The following TCP1 variants were observed in gnomAD, a reference collection of about 807,000 sequenced individuals.
TCP1 encodes t-complex 1.
TCP1 carries 6 observed loss-of-function variants against 54.7 expected under a neutral mutation model. The observed-to-expected ratio is 0.11, with a 90% CI of 0.06 to 0.22. The LOEUF (loss-of-function observed/expected upper bound fraction) is 0.22. TCP1 is among the 10% of genes least tolerant of loss of function. TCP1 has a pLI of 1.00. For missense variants in TCP1, 511 were observed against 678.2 expected, an observed-to-expected ratio of 0.75 and a Z score of 2.74; for synonymous variants, 225 against 229.7, an observed-to-expected ratio of 0.98 and a Z score of 0.19.
chr6:159,788,880 G>A (rs1165449991), intron 1 of TCP1: 1 of 153,844 alleles, frequency 6.5e-6, no homozygotes, highest in Non-Finnish European at 1.4e-5. Context: ...GCGTTTCCTG[G>A]GCTAACTCTA....
chr6:159,783,447 A>G (rs1462637563), intron 7 of TCP1, among the ~76,000 whole-genome samples: 1 of 144,116 alleles, frequency 6.9e-6, no homozygotes, highest in African/African-American at 2.6e-5. Flanking sequence ...TGGTACAATC[A>G]CAGCTCACTG....
At chr6:159,789,371 C>A (rs376527686) in intron 1 of TCP1, 34 bp downstream of exon 1, 29 of 1,612,408 alleles carry the variant, frequency 1.8e-5, no homozygotes, top group Non-Finnish European at 2.4e-5. Flanking sequence ...CCCTCCCCGG[C>A]CGCAAACCCG....
In TCP1 at chr6:159,787,928, T is replaced by C. The variant is rs775968815; in HGVS notation, c.151-57A>G. 1.9e-6 allele frequency: 3 copies of C among 1,609,214 alleles called. No individual in the cohort carries two copies. In the East Asian group the frequency reaches 6.7e-5, roughly 36 times the overall value. ...CTTATAGAAATCAACACAGCCCCAT[T>C]ATAATACACGTTCACCTTTAATATC... is the stretch of plus-strand genomic sequence containing the variant. On this transcript the variant is annotated intron_variant, in intron 2 of 11. Coordinates refer to ENST00000321394, the MANE Select transcript of TCP1 (RefSeq NM_030752.3).
At chr6:159,781,774 AAAAC>A (rs369650799) in intron 7 of TCP1, among the ~76,000 whole-genome samples, 59 of 152,324 alleles carry the variant, frequency 3.9e-4, no homozygotes, top group South Asian at 1.5e-3. Context: ...CTCCGTCTCA[AAAAC>A]AAACAAACAA....
Position 159,789,440 on chromosome 6 carries a change from T to A in TCP1, c.29A>T (p.Asp10Val). The A allele has an allele frequency of 6.2e-7, 1 of 1,613,216 alleles. No individual in the cohort carries two copies. Among genetic ancestry groups the A allele is most frequent in the Non-Finnish European group, 8.5e-7 (1 of 1,179,722 alleles). Residue 10 changes from aspartate (D) to valine (V), a missense_variant, in exon 1 of 12, where the codon GAC becomes GTC. By Grantham distance (152) the Asp-to-Val change is radical. Around this residue, in one of 5 missense-constraint regions of TCP1, gnomAD observed 35 missense variants for 32.7 expected, o/e 1.07. Transcript: ENST00000321394. MEGPLSVFG[D>V]RSTGETIRSQ... ...GCGGATCGTTTCCCCAGTGCTGCGG[T>A]CACCGAACACGGACAAAGGCCCCTC... is the stretch of plus-strand genomic sequence containing the variant.
chr6:159,787,699 G>T, intron 3 of TCP1, 44 bp downstream of exon 3: 2 of 1,586,856 alleles, frequency 1.3e-6, no homozygotes, highest in African/African-American at 2.7e-5. Context: ...TCTGAAAGTC[G>T]GTCGTTTTTA....
At chr6:159,785,014 T>C in intron 5 of TCP1, 167 bp from the exon 6 acceptor site, 2 of 704,778 alleles carry the variant, frequency 2.8e-6, no homozygotes, top group Non-Finnish European at 4.9e-6. Flanking sequence ...CTGCAATTCA[T>C]ATCACTTTTA....
At chr6:159,779,489 A>C in intron 11 of TCP1, 138 bp downstream of exon 11, 1 of 1,247,044 alleles carries the variant, frequency 8.0e-7, no homozygotes, top group Non-Finnish European at 1.1e-6. Context: ...ACTGAACAAC[A>C]AATGCTTGCT....
At chr6:159,783,803 G>C (rs1406833464) in intron 7 of TCP1, 138 bp downstream of exon 7, 1 of 1,139,472 alleles carries the variant, frequency 8.8e-7, no homozygotes, top group East Asian at 2.5e-5. Context: ...TTTTCATATA[G>C]GTTGTATAAC....
At chr6:159,789,077 AG>A in intron 1 of TCP1, 1 of 364,086 alleles carries the variant, frequency 2.7e-6, no homozygotes. Flanking sequence ...CTGAAACAAA[AG>A]GGGGTGCGAG....
chr6:159,779,814 G>A (rs1369023453), intron 10 of TCP1, 24 bp from the exon 11 acceptor site: 1 of 1,585,104 alleles, frequency 6.3e-7, no homozygotes, highest in South Asian at 1.2e-5. Flanking sequence ...AAAATTAGGT[G>A]ACTTCACAAA....
At chr6:159,785,031 C>T (rs920115584) in intron 5 of TCP1, 184 bp from the exon 6 acceptor site, 2 of 662,186 alleles carry the variant, frequency 3.0e-6, no homozygotes, top group Non-Finnish European at 5.2e-6. Context: ...TTTAGACATG[C>T]TTTTTATTAC....
Position 159,785,100 on chromosome 6 carries a change from C to T in TCP1, c.489-253G>A, listed in dbSNP as rs548024639. On this transcript the variant is annotated intron_variant, in intron 5 of 11. Coordinates refer to ENST00000321394, the MANE Select transcript of TCP1 (RefSeq NM_030752.3). Reference sequence around the variant, plus strand: ...GTAATTTCAATACAGCATTACTCCTCTCTATTGATATCAATTTGCATAAAA... The same window carrying T: ...GTAATTTCAATACAGCATTACTCCTTTCTATTGATATCAATTTGCATAAAA... 1,317 of 374,304 alleles carry T rather than the reference C, an allele frequency of 3.5e-3. 13 individuals carry two copies. In the African/African-American group the frequency reaches 0.039, roughly 11 times the overall value. 23.2% of individuals were successfully genotyped at this position (374,304 alleles called of 1,614,324 possible).
At chr6:159,780,155 A>G (rs1228752585) in intron 9 of TCP1, 68 bp from the exon 10 acceptor site, 102 of 1,544,924 alleles carry the variant, frequency 6.6e-5, no homozygotes, top group Non-Finnish European at 8.3e-5. Context: ...AAGACCATCA[A>G]TTTCTCAAAA....
rs781082405 is a variant in TCP1 at position 159,780,226 on chromosome 6, A to G, written c.1098-139T>C. 5 of 1,212,524 alleles carry G rather than the reference A, an allele frequency of 4.1e-6. No individual in the cohort carries two copies. In the Admixed American group the frequency reaches 8.5e-5, roughly 21 times the overall value. The allele number at this position is 1,212,524 out of a possible 1,614,324, so 75.1% of individuals were successfully genotyped here. A position where few individuals can be genotyped will look rare whatever the true frequency, so the allele number is the denominator to read the frequency against. On this transcript the variant is annotated intron_variant, in intron 9 of 11. Coordinates refer to ENST00000321394, the MANE Select transcript of TCP1 (RefSeq NM_030752.3). Reference sequence around the variant, plus strand: ...TTCCCTTAAGTCCTGCCTACACAGGATATTTAGATATACTATACAGAAACA... The same window carrying G: ...TTCCCTTAAGTCCTGCCTACACAGGGTATTTAGATATACTATACAGAAACA...
chr6:159,781,607 C>T (rs1780577857), intron 7 of TCP1, among the ~76,000 whole-genome samples: 1 of 152,078 alleles, frequency 6.6e-6, no homozygotes, highest in Admixed American at 6.5e-5. Flanking sequence ...ACCGCCTCTA[C>T]TAAAAATACA....
chr6:159,788,000 A>G, intron 2 of TCP1, 58 bp downstream of exon 2: 1 of 1,609,468 alleles, frequency 6.2e-7, no homozygotes, highest in Non-Finnish European at 8.5e-7. Flanking sequence ...AGAACATAGC[A>G]AAACACTGAA....
rs779397332 is a variant in TCP1, at chr6:159,785,473, T to A, written c.401A>T (p.Glu134Val). 1.7e-5 allele frequency: 28 copies of A among 1,613,788 alleles called. No individual in the cohort carries two copies. Among genetic ancestry groups the A allele is most frequent in the Non-Finnish European group, 2.4e-5 (28 of 1,179,936 alleles). The change falls in exon 5 of 12, where the codon GAA (glutamate) becomes GTA (valine). Residue 134 changes from glutamate (E) to valine (V), a missense_variant. Glu to Val is a moderately radical substitution (Grantham distance 121, BLOSUM62 -2). This residue lies in a region of TCP1 where 305 missense variants were observed against 352.8 expected (regional missense o/e 0.86). Coordinates refer to ENST00000321394, the MANE Select transcript of TCP1 (RefSeq NM_030752.3). ...TTCATCTGTGTTAACAATTAGGTTT[T>A]CATTGATATAACGCACTGCTTCCCT... is the stretch of plus-strand genomic sequence containing the variant. ...ACKEAVRYIN[E>V]NLIVNTDELG...
chr6:159,785,923 A>G lies in TCP1; in HGVS notation c.354T>C (p.Ile118=), dbSNP rs200520394. Residue 118 remains isoleucine (I), a synonymous_variant, in exon 4 of 12, where the codon ATT becomes ATC. Transcript: ENST00000321394. ...VKQKIHPTSV[I]SGYRLACKEA... is the part of the protein sequence containing the mutation. ...ACTTGCAAGCAAGTCGATAGCCACT[A>G]ATAACTGATGTGGGATGAATTTTCT... The G allele has an allele frequency of 6.2e-6, 10 of 1,613,842 alleles. No homozygotes were observed. In the East Asian group the frequency reaches 2.2e-4, roughly 36 times the overall value.
Sources: allele counts gnomAD v4.1 joint callset (sites outside exome capture counted in the v4.1 genomes callset), GRCh38; gene constraint gnomAD v4.1.1; regional missense constraint gnomAD v4.1.1; transcripts MANE v1.5; gene names NCBI Gene and HGNC (gene_info 2026-07-23, HGNC 2026-07-21).